ZNF804B: variants seen among roughly 807,000 people sequenced by gnomAD.
The protein encoded by ZNF804B is zinc finger protein 804B.
Under a neutral mutation model 101.4 loss-of-function variants are expected in ZNF804B, and 80 were observed. The observed-to-expected ratio is 0.79, with a 90% CI of 0.66 to 0.95. ZNF804B has a LOEUF of 0.95. Ranked by LOEUF, ZNF804B falls within the 40% of genes least tolerant of loss-of-function variation. The pLI, the probability that ZNF804B is intolerant of heterozygous loss-of-function variation, is 0.00. For synonymous variants in ZNF804B, 622 were observed against 558.8 expected (o/e 1.11, Z -1.59); for missense variants, 1,673 against 1,561.9 (o/e 1.07, Z -1.20).
chr7:89,244,837 C>T (rs1447782194), intron 2 of ZNF804B, among the ~76,000 whole-genome samples: 1 of 152,094 alleles, frequency 6.6e-6, no homozygotes, highest in Non-Finnish European at 1.5e-5. Flanking sequence ...TGTGAAAAAA[C>T]AATCAATCTG....
rs1383698239 is a variant in ZNF804B at position 89,068,712 on chromosome 7, A to C, written c.109-149443A>C. The stretch of plus-strand genomic sequence containing the variant: ...TTTTTAATTTGGCCTTTATAAATCT[A>C]CATTGTGAACGAGACTCTGTTAAGC... On this transcript the variant is annotated intron_variant, in intron 1 of 3. Coordinates refer to ENST00000333190, the MANE Select transcript of ZNF804B (RefSeq NM_181646.5). Among the ~76,000 whole-genome samples, 4 of 152,224 alleles carry C rather than the reference A, an allele frequency of 2.6e-5. No homozygotes were observed. In the East Asian group the frequency reaches 7.7e-4, roughly 29 times the overall value.
chr7:89,141,760 G>A (rs1790721192), intron 1 of ZNF804B, among the ~76,000 whole-genome samples: 1 of 151,592 alleles, frequency 6.6e-6, no homozygotes, highest in East Asian at 1.9e-4. Flanking sequence ...AGAATTTTAA[G>A]TGCCAAAAAC....
intron 2 of ZNF804B, among the ~76,000 whole-genome samples, chr7:89,306,243 A>C (rs1267344637): frequency 6.6e-6 from 1 of 151,926 alleles, no homozygotes; most frequent in African/African-American, 2.4e-5. Flanking sequence ...ATCTTATCCC[A>C]TTATCGTTGT....
At chr7:88,877,052 T>TATATA (rs1791963404) in intron 1 of ZNF804B, among the ~76,000 whole-genome samples, 1 of 47,796 alleles carries the variant, frequency 2.1e-5, no homozygotes, top group African/African-American at 1.4e-4. Flanking sequence ...TATATATATT[T>TATATA]TTTTTTTTTT....
intron 1 of ZNF804B, among the ~76,000 whole-genome samples, chr7:88,874,288 T>G (rs995236729): frequency 6.6e-6 from 1 of 152,182 alleles, no homozygotes; most frequent in African/African-American, 2.4e-5. Context: ...TGTTGGTGTA[T>G]AAGAATGCTT....
intron 2 of ZNF804B, among the ~76,000 whole-genome samples, chr7:89,269,689 A>G (rs961965527): frequency 6.6e-6 from 1 of 152,136 alleles, no homozygotes; most frequent in African/African-American, 2.4e-5. Context: ...AATAGTGTAA[A>G]AGTGTTCCTA....
intron 1 of ZNF804B, among the ~76,000 whole-genome samples, chr7:88,982,200 G>T (rs1793702213): frequency 6.6e-6 from 1 of 152,006 alleles, no homozygotes; most frequent in East Asian, 2.0e-4. Context: ...CCAGCCAGCG[G>T]TCTTCTATAC....
At chr7:89,262,628 C>T (rs887336068) in intron 2 of ZNF804B, among the ~76,000 whole-genome samples, 3 of 152,034 alleles carry the variant, frequency 2.0e-5, no homozygotes, top group African/African-American at 7.2e-5. Context: ...TACTTTCTGT[C>T]TGTATAACAT....
intron 1 of ZNF804B, among the ~76,000 whole-genome samples, chr7:89,166,233 T>C (rs1791141160): frequency 6.6e-6 from 1 of 152,156 alleles, no homozygotes; most frequent in Non-Finnish European, 1.5e-5. Flanking sequence ...TAGAACTTAA[T>C]CACCAAGTTG....
At position 89,319,517 on chromosome 7, in the gene ZNF804B, A is replaced by G. The variant is rs1265844206; in HGVS notation, c.250-7827A>G. Among the ~76,000 whole-genome samples, 3 of 152,214 alleles carry G rather than the reference A, an allele frequency of 2.0e-5. No individual in the cohort carries two copies. The East Asian group carries it at 5.8e-4, about 29-fold the overall frequency. ...CTGTCTGCCGCTGGTAGACAAGAGC[A>G]CTGAGAAAGATATAGCTCTACTCCT... On this transcript the variant is annotated intron_variant, in intron 2 of 3. Transcript: ENST00000333190.
intron 1 of ZNF804B, among the ~76,000 whole-genome samples, chr7:89,176,807 A>T (rs1189478587): frequency 1.3e-5 from 2 of 150,872 alleles, no homozygotes; most frequent in Non-Finnish European, 1.5e-5. Context: ...TACAGCCTTG[A>T]TCTCATTATT....
intron 1 of ZNF804B, among the ~76,000 whole-genome samples, chr7:89,131,450 G>A (rs1350034368): frequency 6.6e-6 from 1 of 151,896 alleles, no homozygotes; most frequent in African/African-American, 2.4e-5. Flanking sequence ...AAGAAGAAAA[G>A]ACCCAGTTAT....
At chr7:88,775,713 A>G (rs113941328) in intron 1 of ZNF804B, among the ~76,000 whole-genome samples, 170 of 152,336 alleles carry the variant, frequency 1.1e-3, no homozygotes, top group African/African-American at 3.9e-3. Context: ...TTCTCTTCTT[A>G]TAAGAGTCAA....
chr7:89,058,260 G>T (rs1364560680), intron 1 of ZNF804B, among the ~76,000 whole-genome samples: 1 of 152,208 alleles, frequency 6.6e-6, no homozygotes, highest in Admixed American at 6.6e-5. Context: ...TATGGTGAAA[G>T]TTAATGATTT....
At chr7:89,006,132 A>G (rs1788366578) in intron 1 of ZNF804B, among the ~76,000 whole-genome samples, 2 of 152,136 alleles carry the variant, frequency 1.3e-5, no homozygotes, top group African/African-American at 4.8e-5. Context: ...AAACCTTTAC[A>G]TTTAAACAGG....
intron 1 of ZNF804B, among the ~76,000 whole-genome samples, chr7:89,181,565 C>T (rs528776970): frequency 6.1e-4 from 93 of 152,234 alleles, no homozygotes; most frequent in African/African-American, 2.1e-3. Context: ...GACACTTCTG[C>T]GGAATGGGGG....
Position 88,823,382 on chromosome 7 carries a change from G to C in ZNF804B, c.108+63298G>C, listed in dbSNP as rs1418956094. ...CAGCCTGGACAGTAATTTTTCCTGA[G>C]AATGCAAGAATATGAACTTAGATGT... On this transcript the variant is annotated intron_variant, in intron 1 of 3. Coordinates refer to ENST00000333190, the MANE Select transcript of ZNF804B (RefSeq NM_181646.5). 2.0e-5 allele frequency among the ~76,000 whole-genome samples: 3 copies of C among 152,124 alleles called. No homozygotes were observed. In the East Asian group the frequency reaches 5.8e-4, roughly 29 times the overall value.
At chr7:88,968,020 A>G (rs1163914633) in intron 1 of ZNF804B, among the ~76,000 whole-genome samples, 1 of 151,508 alleles carries the variant, frequency 6.6e-6, no homozygotes, top group African/African-American at 2.4e-5. Context: ...TTTTTTATAA[A>G]AGGAAACATT....
chr7:89,166,739 C>T (rs962878103), intron 1 of ZNF804B, among the ~76,000 whole-genome samples: 1 of 152,112 alleles, frequency 6.6e-6, no homozygotes, highest in African/African-American at 2.4e-5. Flanking sequence ...GTGGAAAGAT[C>T]ACTTTTTACT....
Sources: allele counts gnomAD v4.1 joint callset (sites outside exome capture counted in the v4.1 genomes callset), GRCh38; gene constraint gnomAD v4.1.1; transcripts MANE v1.5; gene names NCBI Gene and HGNC (gene_info 2026-07-23, HGNC 2026-07-21).